The following HNRNPU variants were observed in gnomAD, a reference collection of about 807,000 sequenced individuals.
HNRNPU encodes heterogeneous nuclear ribonucleoprotein U, also known as HNRNPU antisense RNA 1.
In HNRNPU, 5 loss-of-function variants were observed where a neutral mutation model predicts 94.7. That is an observed-to-expected ratio of 0.05 (90% CI 0.03 to 0.11). HNRNPU has a LOEUF of 0.11. Ranked by LOEUF, HNRNPU falls within the 10% of genes least tolerant of loss-of-function variation. The pLI is 1.00. For synonymous variants in HNRNPU, 434 were observed against 381.6 expected (o/e 1.14, Z -1.60); for missense variants, 710 against 1,049.2 (o/e 0.68, Z 4.47).
rs779983935 is a variant in HNRNPU at position 244,862,545 on chromosome 1, G to A, written c.804-11C>T. 21 of 1,612,766 alleles carry A rather than the reference G, an allele frequency of 1.3e-5. No individual in the cohort carries two copies. The highest frequency in any genetic ancestry group is 5.0e-5 in the Admixed American group (3 of 59,992). On this transcript the variant is annotated splice_polypyrimidine_tract_variant and intron_variant, in intron 2 of 13. Transcript: ENST00000640218. ...TGAGGAGATTTGGCTCTGAAAGACA[G>A]AATTGTCTCCTGATACAGCTTTCCG...
In HNRNPU at chr1:244,860,342, T is replaced by G. The variant is rs2102988050; in HGVS notation, c.1010A>C (p.Glu337Ala). 1 of 1,609,782 alleles carries G rather than the reference T, an allele frequency of 6.2e-7. No individual in the cohort carries two copies. Among genetic ancestry groups the G allele is most frequent in the Non-Finnish European group, 8.5e-7 (1 of 1,178,734 alleles). Residue 337 changes from glutamate to alanine, a missense_variant, in exon 4 of 14, where the codon GAG becomes GCG. By Grantham distance (107) the Glu-to-Ala change is moderately radical. Around this residue, in one of 8 missense-constraint regions of HNRNPU, gnomAD observed 31 missense variants for 86.8 expected, o/e 0.36. Transcript: ENST00000640218. Reference protein sequence around the residue: ...YGVSKGKVCFEMKVTEKIPVR... With the variant: ...YGVSKGKVCFAMKVTEKIPVR... Reference sequence around the variant, plus strand: ...TCATAAAATTGCATTTACCTTCATCTCAAAACACACTTTGCCTTTTGACAC... The same window carrying G: ...TCATAAAATTGCATTTACCTTCATCGCAAAACACACTTTGCCTTTTGACAC...
intron 8 of HNRNPU, 133 bp from the exon 9 acceptor site, chr1:244,856,989 C>T: frequency 1.4e-6 from 1 of 724,504 alleles, no homozygotes; most frequent in African/African-American, 1.8e-5. Context: ...TCCATTATTG[C>T]TACAAAAACA....
Position 244,854,957 on chromosome 1 carries a change from A to G in HNRNPU, c.2424+16T>C, listed in dbSNP as rs537512846. 183 of 1,587,630 alleles carry G rather than the reference A, an allele frequency of 1.2e-4. 2 individuals are homozygous for G. The South Asian group carries it at 1.3e-3, about 11-fold the overall frequency. On this transcript the variant is annotated intron_variant, in intron 13 of 13. Transcript: ENST00000640218. Reference sequence around the variant, plus strand: ...AATACAATTAATGTACATAAAGCACATAAGAAATTACTTACACCCTGCTGC... The same window carrying G: ...AATACAATTAATGTACATAAAGCACGTAAGAAATTACTTACACCCTGCTGC...
rs1202650124 is a variant in HNRNPU at position 244,854,958 on chromosome 1, T to C, written c.2424+15A>G. The C allele has an allele frequency of 6.3e-7, 1 of 1,590,932 alleles. No homozygotes were observed. Among genetic ancestry groups the C allele is most frequent in the East Asian group, 2.2e-5 (1 of 44,758 alleles). On this transcript the variant is annotated intron_variant, in intron 13 of 13. Coordinates refer to ENST00000640218, the MANE Select transcript of HNRNPU (RefSeq NM_031844.3). The stretch of plus-strand genomic sequence containing the variant: ...ATACAATTAATGTACATAAAGCACA[T>C]AAGAAATTACTTACACCCTGCTGCC...
In HNRNPU at chr1:244,859,351, C is replaced by T. The variant is rs1384211388; in HGVS notation, c.1041G>A (p.Arg347=). ...TGTCAATATCTTTTGTATATAAATG[C>T]CTTACTGGGATCTTCTCTGTAACCT... is the stretch of plus-strand genomic sequence containing the variant. ...EMKVTEKIPV[R]HLYTKDIDIH... Residue 347 remains arginine, a synonymous_variant, in exon 5 of 14, where the codon AGG becomes AGA. Coordinates refer to ENST00000640218, the MANE Select transcript of HNRNPU (RefSeq NM_031844.3). 3 of 1,573,522 alleles carry T rather than the reference C, an allele frequency of 1.9e-6. No individual in the cohort carries two copies. Among genetic ancestry groups the T allele is most frequent in the Non-Finnish European group, 2.6e-6 (3 of 1,144,168 alleles).
chr1:244,859,801 C>T (rs998647823), intron 4 of HNRNPU: 12 of 156,672 alleles, frequency 7.7e-5, no homozygotes, highest in Non-Finnish European at 1.4e-4. Flanking sequence ...ACATAACAAC[C>T]GTGATTAACT....
rs1480185712 is a variant in HNRNPU, at chr1:244,852,811, G to C, written c.*1639C>G. The C allele has an allele frequency of 6.6e-6, 1 of 152,430 alleles. No individual in the cohort carries two copies. Among genetic ancestry groups the C allele is most frequent in the East Asian group, 1.9e-4 (1 of 5,190 alleles). 9.4% of individuals were successfully genotyped at this position (152,430 alleles called of 1,614,324 possible). On this transcript the variant is annotated 3_prime_UTR_variant, in exon 14 of 14. Coordinates refer to ENST00000640218, the MANE Select transcript of HNRNPU (RefSeq NM_031844.3). ...ATATAGCAAACCTAAACTTACCAAAGCAACCTAAAAACACCAAGGAAACGC... is the reference window on the plus strand; with the variant it reads ...ATATAGCAAACCTAAACTTACCAAACCAACCTAAAAACACCAAGGAAACGC...
At chr1:244,863,392 G>GCCGA (rs1455681964) in intron 1 of HNRNPU, among the ~76,000 whole-genome samples, 1 of 138,738 alleles carries the variant, frequency 7.2e-6, no homozygotes, top group African/African-American at 2.8e-5. Flanking sequence ...CGCTGCCACC[G>GCCGA]CCGACACACA....
At position 244,851,459 on chromosome 1, in the gene HNRNPU, C is replaced by T. The variant is rs1298974766; in HGVS notation, c.*2991G>A. 1.3e-5 allele frequency: 2 copies of T among 152,136 alleles called. No individual in the cohort carries two copies. Among genetic ancestry groups the T allele is most frequent in the Non-Finnish European group, 2.9e-5 (2 of 67,994 alleles). 9.4% of individuals were successfully genotyped at this position (152,136 alleles called of 1,614,324 possible). A position where few individuals can be genotyped will look rare whatever the true frequency, so the allele number is the denominator to read the frequency against. On this transcript the variant is annotated 3_prime_UTR_variant, in exon 14 of 14. Coordinates refer to ENST00000640218, the MANE Select transcript of HNRNPU (RefSeq NM_031844.3). The stretch of plus-strand genomic sequence containing the variant: ...TCCCACAAATGAGACATTTTAAATA[C>T]AGAATACACTCTGTTCATGAATATA...
At chr1:244,855,822 G>GA in intron 11 of HNRNPU, 82 bp downstream of exon 11, 4 of 1,511,524 alleles carry the variant, frequency 2.6e-6, no homozygotes, top group Non-Finnish European at 3.6e-6. Flanking sequence ...TAATGAGGAA[G>GA]AAACTTCAGC....
rs752673312 is a variant in HNRNPU at position 244,858,167 on chromosome 1, C to T, written c.1338G>A (p.Pro446=). 9.9e-6 allele frequency: 16 copies of T among 1,614,086 alleles called. No homozygotes were observed. The highest frequency in any genetic ancestry group is 1.3e-5 in the African/African-American group (1 of 75,010). ...CTGCACAGTTGTGGCAGAGAACATG[C>T]GGGAACAGTGGCCGTCCAGCAAGAA... The part of the protein sequence containing the change: ...KEVLAGRPLF[P]HVLCHNCAVE... Residue 446 remains proline (P), a synonymous_variant, in exon 7 of 14, where the codon CCG becomes CCA. Coordinates refer to ENST00000640218, the MANE Select transcript of HNRNPU (RefSeq NM_031844.3).
Position 244,854,162 on chromosome 1 carries a change from T to TTA in HNRNPU, c.*287_*288insTA, listed in dbSNP as rs1553281869. ...AAGCAACATTTTACTTCTGTTGTGA[T>TTA]AAAAAAAAAAAAAAGTCACATTTTA... On this transcript the variant is annotated 3_prime_UTR_variant, in exon 14 of 14. Coordinates refer to ENST00000640218, the MANE Select transcript of HNRNPU (RefSeq NM_031844.3). 1 of 229,696 alleles carries TTA rather than the reference T, an allele frequency of 4.4e-6. No homozygotes were observed. Among genetic ancestry groups the TTA allele is most frequent in the Non-Finnish European group, 8.3e-6 (1 of 121,022 alleles). 14.2% of individuals were successfully genotyped at this position (229,696 alleles called of 1,614,324 possible).
chr1:244,862,471 A>C lies in HNRNPU; in HGVS notation c.867T>G (p.Cys289Trp). ...EDEHFDDTVV[C>W]LDTYNCDLHF... ...AACAGCTTCACTTACAAGTATCAAG[A>C]CAAACCACTGTGTCATCGAAGTGTT... Residue 289 changes from cysteine (C) to tryptophan (W), a missense_variant, in exon 3 of 14, where the codon TGT (cysteine) becomes TGG (tryptophan). This residue lies in a region of HNRNPU where 22 missense variants were observed against 16.7 expected (regional missense o/e 1.32). Transcript: ENST00000640218. The C allele has an allele frequency of 1.2e-6, 2 of 1,612,762 alleles. No homozygotes were observed. The highest frequency in any genetic ancestry group is 1.7e-6 in the Non-Finnish European group (2 of 1,179,092).
In HNRNPU at chr1:244,859,380, A is replaced by G. The variant is rs776527567; in HGVS notation, c.1018-6T>C. On this transcript the variant is annotated splice_region_variant and splice_polypyrimidine_tract_variant and intron_variant, in intron 4 of 13. Coordinates refer to ENST00000640218, the MANE Select transcript of HNRNPU (RefSeq NM_031844.3). Reference sequence around the variant, plus strand: ...ACTGGGATCTTCTCTGTAACCTGAAAGTCAAATCATTAAATAATTAAAATA... The same window carrying G: ...ACTGGGATCTTCTCTGTAACCTGAAGGTCAAATCATTAAATAATTAAAATA... The G allele has an allele frequency of 7.5e-7, 1 of 1,341,416 alleles. No homozygotes were observed. Among genetic ancestry groups the G allele is most frequent in the South Asian group, 1.2e-5 (1 of 85,156 alleles). 83.1% of individuals were successfully genotyped at this position (1,341,416 alleles called of 1,614,324 possible). A position where few individuals can be genotyped will look rare whatever the true frequency, so the allele number is the denominator to read the frequency against.
In HNRNPU at chr1:244,863,838, C is replaced by G; in HGVS notation, c.470G>C (p.Gly157Ala). The G allele has an allele frequency of 6.2e-7, 1 of 1,612,316 alleles. No homozygotes were observed. Among genetic ancestry groups the G allele is most frequent in the Non-Finnish European group, 8.5e-7 (1 of 1,179,628 alleles). The change falls in exon 1 of 14, where the codon GGG becomes GCG. Residue 157 changes from glycine to alanine, a missense_variant. Coordinates refer to ENST00000640218, the MANE Select transcript of HNRNPU (RefSeq NM_031844.3). ...DEEEGAGDEN[G>A]HGEQQPQPPA... ...CGGTTGAGGCTGCTGCTCCCCGTGC[C>G]CGTTCTCGTCGCCCGCGCCTTCCTC...
At chr1:244,859,917 T>A (rs1680781420) in intron 4 of HNRNPU, 1 of 161,624 alleles carries the variant, frequency 6.2e-6, no homozygotes, top group Non-Finnish European at 1.3e-5. Flanking sequence ...AATTCCAGCA[T>A]TCTGAGAGGC....
chr1:244,858,333 C>CT, intron 6 of HNRNPU, 59 bp from the exon 7 acceptor site: 1 of 1,493,334 alleles, frequency 6.7e-7, no homozygotes, highest in Non-Finnish European at 9.1e-7. Context: ...TTCTAAAAAA[C>CT]TAAGAATTAA....
In HNRNPU at chr1:244,862,450, G is replaced by C. The variant is rs184700361; in HGVS notation, c.877+11C>G. The C allele has an allele frequency of 1.3e-6, 2 of 1,522,342 alleles. No homozygotes were observed. The highest frequency in any genetic ancestry group is 1.4e-5 in the African/African-American group (1 of 71,256). 94.3% of individuals were successfully genotyped at this position (1,522,342 alleles called of 1,614,324 possible). ...CGCATTTCATAATTGGGGAGAAACA[G>C]CTTCACTTACAAGTATCAAGACAAA... is the stretch of plus-strand genomic sequence containing the variant. On this transcript the variant is annotated intron_variant, in intron 3 of 13. Coordinates refer to ENST00000640218, the MANE Select transcript of HNRNPU (RefSeq NM_031844.3).
At chr1:244,854,787 T>A (rs186261716) in intron 13 of HNRNPU, 186 bp downstream of exon 13, 1 of 516,750 alleles carries the variant, frequency 1.9e-6, no homozygotes, top group South Asian at 3.6e-5. Context: ...ATTTAACTTA[T>A]AGCAATCTTC....
Sources: allele counts gnomAD v4.1 joint callset (sites outside exome capture counted in the v4.1 genomes callset), GRCh38; gene constraint gnomAD v4.1.1; regional missense constraint gnomAD v4.1.1; transcripts MANE v1.5; gene names NCBI Gene and HGNC (gene_info 2026-07-23, HGNC 2026-07-21).